The following COL4A1 variants were observed in gnomAD, a reference collection of about 807,000 sequenced individuals.
COL4A1 encodes collagen type IV alpha 1 chain.
Under a neutral mutation model 216.6 loss-of-function variants are expected in COL4A1, and 40 were observed. The observed-to-expected ratio is 0.18, with a 90% confidence interval of 0.14 to 0.24. The LOEUF (loss-of-function observed/expected upper bound fraction) is 0.24. Ranked by LOEUF, COL4A1 falls within the 10% of genes least tolerant of loss-of-function variation. The pLI is 1.00. For synonymous variants in COL4A1, 839 were observed against 810.7 expected, an observed-to-expected ratio of 1.03 and a Z score of -0.59; for missense variants, 1,628 against 2,196.8, an observed-to-expected ratio of 0.74 and a Z score of 5.18.
At position 110,210,403 on chromosome 13, in the gene COL4A1, G is replaced by A. The variant is rs76574181; in HGVS notation, c.469-191C>T. Among the ~76,000 whole-genome samples, 12,934 of 151,980 alleles carry A rather than the reference G, an allele frequency of 0.085. 553 individuals are homozygous for A. Among genetic ancestry groups the A allele is most frequent in the African/African-American group, 0.11 (4,586 of 41,442 alleles). On this transcript the variant is annotated intron_variant, in intron 8 of 51. Coordinates refer to ENST00000375820, the MANE Select transcript of COL4A1 (RefSeq NM_001845.6). ...CATGATTGCCGTCTTAATGGCCAGC[G>A]TTAACCACTGCCTGGTCAACTGAGC...
At chr13:110,282,451 T>A (rs1346737701) in intron 1 of COL4A1, among the ~76,000 whole-genome samples, 1 of 152,156 alleles carries the variant, frequency 6.6e-6, no homozygotes, top group Non-Finnish European at 1.5e-5. Flanking sequence ...TACTGTACCT[T>A]CCCTGGCATG....
At chr13:110,209,008 T>C (rs1594582928) in intron 11 of COL4A1, 118 bp from the exon 12 acceptor site, 1 of 1,058,198 alleles carries the variant, frequency 9.5e-7, no homozygotes, top group Admixed American at 1.7e-5. Context: ...CTTTGTCCCA[T>C]AACTCTCATA....
chr13:110,201,478 G>A lies in COL4A1; in HGVS notation c.1044C>T (p.Tyr348=). 3.1e-6 allele frequency: 5 copies of A among 1,614,130 alleles called. No individual in the cohort carries two copies. The highest frequency in any genetic ancestry group is 3.4e-6 in the Non-Finnish European group (4 of 1,180,032). The part of the protein sequence containing the change: ...GPLGEKGERG[Y]PGTPGPRGEP... ...CTCCTCTTGGCCCCGGAGTTCCAGG[G>A]TAGCCCCTCTCTCCTTTTTCTCCCA... is the stretch of plus-strand genomic sequence containing the variant. The change falls in exon 19 of 52, where the codon TAC becomes TAT. Residue 348 remains tyrosine (Y), a synonymous_variant. Transcript: ENST00000375820.
At chr13:110,177,742 C>T (rs2139163791) in intron 33 of COL4A1, 100 bp downstream of exon 33, 8 of 1,240,384 alleles carry the variant, frequency 6.4e-6, no homozygotes, top group South Asian at 2.4e-5. Context: ...CTTTTGTAGG[C>T]GTCTTAAAGG....
chr13:110,245,040 C>T (rs941581080), intron 1 of COL4A1, among the ~76,000 whole-genome samples: 3 of 152,138 alleles, frequency 2.0e-5, no homozygotes, highest in Non-Finnish European at 4.4e-5. Context: ...AGATGGAAAT[C>T]CAGTGGCACC....
At chr13:110,199,453 A>G (rs544031316) in intron 20 of COL4A1, among the ~76,000 whole-genome samples, 2 of 152,336 alleles carry the variant, frequency 1.3e-5, no homozygotes, top group South Asian at 4.1e-4. Flanking sequence ...CACAAGCACA[A>G]CGTGCTCCAA....
chr13:110,162,250 C>T lies in COL4A1; in HGVS notation c.4442G>A (p.Arg1481Gln), dbSNP rs376607450. The T allele has an allele frequency of 4.6e-5, 75 of 1,614,088 alleles. No homozygotes were observed. The highest frequency in any genetic ancestry group is 5.3e-5 in the African/African-American group (4 of 74,956). ...YSLLYVQGNE[R>Q]AHGQDLGTAG... ...CTTACCCAAGTCCTGGCCATGGGCC[C>T]GTTCATTGCCTTGCACGTAGAGCAA... The change falls in exon 48 of 52, where the codon CGG (arginine) becomes CAG (glutamine). Residue 1481 changes from arginine (R) to glutamine (Q), a missense_variant. Arg to Gln is a conservative substitution (Grantham distance 43). Around this residue, in one of 8 missense-constraint regions of COL4A1, gnomAD observed 254 missense variants for 300.1 expected, o/e 0.85. Coordinates refer to ENST00000375820, the MANE Select transcript of COL4A1 (RefSeq NM_001845.6).
chr13:110,221,034 T>C (rs1038311797), intron 2 of COL4A1, among the ~76,000 whole-genome samples: 4 of 152,222 alleles, frequency 2.6e-5, no homozygotes, highest in African/African-American at 4.8e-5. Flanking sequence ...TGTCTCCAGG[T>C]GTCCATGTTC....
Position 110,258,401 on chromosome 13 carries a change from G to A in COL4A1, c.85-15667C>T, listed in dbSNP as rs948870557. ...AAAAAAATACAAAAATTAGCCAGGC[G>A]TGGTGGCGCACGCCTGTAGTCCCAG... On this transcript the variant is annotated intron_variant, in intron 1 of 51. Transcript: ENST00000375820. Among the ~76,000 whole-genome samples, 21 of 152,240 alleles carry A rather than the reference G, an allele frequency of 1.4e-4. No individual in the cohort carries two copies. In the South Asian group the frequency reaches 2.5e-3, roughly 18 times the overall value.
intron 1 of COL4A1, among the ~76,000 whole-genome samples, chr13:110,263,138 C>T (rs113239491): frequency 1.8e-3 from 272 of 152,334 alleles, no homozygotes; most frequent in African/African-American, 6.0e-3. Context: ...GCCAAGAATA[C>T]ACAGTGTATC....
At chr13:110,270,467 T>A (rs1320511070) in intron 1 of COL4A1, among the ~76,000 whole-genome samples, 1 of 152,240 alleles carries the variant, frequency 6.6e-6, no homozygotes, top group Admixed American at 6.5e-5. Flanking sequence ...GGAAGAGCTA[T>A]CAGTTTCTAG....
chr13:110,230,049 A>G (rs1013333335), intron 2 of COL4A1, among the ~76,000 whole-genome samples: 4 of 151,928 alleles, frequency 2.6e-5, no homozygotes, highest in Admixed American at 2.0e-4. Context: ...ACCCTCCAAA[A>G]TCCCCCACTC....
chr13:110,211,933 A>G lies in COL4A1; in HGVS notation c.388-11T>C, dbSNP rs201801894. On this transcript the variant is annotated splice_polypyrimidine_tract_variant and intron_variant, in intron 6 of 51. Transcript: ENST00000375820. This position sits in a 1 kb window ranked among gnomAD's most constrained non-coding sequence, Gnocchi z 4.3. ...CGGCCCTCTCTCCCCCTGGGGAGAC[A>G]GCAGAGCATCATTCATACGCACTGT... 5.7e-4 allele frequency: 926 copies of G among 1,613,990 alleles called. 2 individuals are homozygous for G. Among genetic ancestry groups the G allele is most frequent in the Non-Finnish European group, 7.4e-4 (872 of 1,179,958 alleles).
intron 15 of COL4A1, 93 bp downstream of exon 15, chr13:110,206,571 CG>C: frequency 7.2e-7 from 1 of 1,390,896 alleles, no homozygotes; most frequent in Non-Finnish European, 1.0e-6. Flanking sequence ...GAAGTCCCTA[CG>C]AGCCTTTTCT....
At chr13:110,304,212 C>T (rs76065270) in intron 1 of COL4A1, among the ~76,000 whole-genome samples, 3,853 of 152,218 alleles carry the variant, frequency 0.025, 63 homozygotes, top group Middle Eastern at 0.075. Flanking sequence ...AGATCCTGGG[C>T]GATGCTGCTC....
At chr13:110,192,463 C>G (rs1012014673) in intron 23 of COL4A1, among the ~76,000 whole-genome samples, 179 bp from the exon 24 acceptor site, 1 of 152,108 alleles carries the variant, frequency 6.6e-6, no homozygotes, top group South Asian at 2.1e-4. Flanking sequence ...ATAGGTGACC[C>G]GACGCACATG....
chr13:110,155,336 G>A lies in COL4A1; in HGVS notation c.4702C>T (p.Pro1568Ser). The change falls in exon 50 of 52, where the codon CCA becomes TCA. Residue 1568 changes from proline to serine, a missense_variant. Pro to Ser is a moderately conservative substitution (Grantham distance 74). Transcript: ENST00000375820. ...MAVHSQTIQIPPCPSGWSSLW... is the reference protein window; with the variant it reads ...MAVHSQTIQISPCPSGWSSLW... ...GAGGACCACCCGCTGGGGCACGGTG[G>A]GATCTGAATGGTCTGGCTGTGCACG... 6.2e-7 allele frequency: 1 copy of A among 1,614,190 alleles called. No homozygotes were observed. The highest frequency in any genetic ancestry group is 8.5e-7 in the Non-Finnish European group (1 of 1,180,032).
At chr13:110,198,076 GGGGTGTGTGTGT>G (rs1429950555) in intron 21 of COL4A1, among the ~76,000 whole-genome samples, 19 of 72,346 alleles carry the variant, frequency 2.6e-4, no homozygotes, top group African/African-American at 5.4e-4. Context: ...CCTTGTTTCT[GGGGTGTGTGTGT>G]GTGTGTGTGT....
intron 23 of COL4A1, 130 bp downstream of exon 23, chr13:110,192,700 T>G: frequency 1.4e-6 from 1 of 713,944 alleles, no homozygotes; most frequent in Non-Finnish European, 2.4e-6. Flanking sequence ...GGGCCCAACA[T>G]TCTTCTGATT....
Sources: allele counts gnomAD v4.1 joint callset (sites outside exome capture counted in the v4.1 genomes callset), GRCh38; gene constraint gnomAD v4.1.1; regional missense constraint gnomAD v4.1.1; non-coding constraint Gnocchi (gnomAD v3.1); transcripts MANE v1.5; gene names NCBI Gene and HGNC (gene_info 2026-07-23, HGNC 2026-07-21).